The following LOXL1 variants were observed in gnomAD, a reference collection of about 807,000 sequenced individuals.
LOXL1 encodes lysyl oxidase homolog 1.
In LOXL1, 31 loss-of-function variants were observed where a neutral mutation model predicts 62.2. The ratio of observed to expected loss-of-function variants is 0.50; its 90% confidence interval spans 0.37 to 0.67. The LOEUF is 0.67. LOXL1 is among the 30% of genes least tolerant of loss of function. The pLI is 0.00. For synonymous variants in LOXL1, 403 were observed against 384.4 expected (o/e 1.05, Z -0.56); for missense variants, 775 against 843.4 (o/e 0.92, Z 1.00).
chr15:73,948,018 A>G (rs776374588), intron 5 of LOXL1, 116 bp downstream of exon 5: 1 of 693,716 alleles, frequency 1.4e-6, no homozygotes, highest in Non-Finnish European at 2.4e-6. Flanking sequence ...GCTGCCGAGC[A>G]GAGGCAGCAT....
chr15:73,927,625 A>G lies in LOXL1; in HGVS notation c.842A>G (p.Glu281Gly). The change falls in exon 1 of 7, where the codon GAG becomes GGG. Residue 281 changes from glutamate to glycine, a missense_variant. By Grantham distance (98) the Glu-to-Gly change is moderately conservative. Coordinates refer to ENST00000261921, the MANE Select transcript of LOXL1 (RefSeq NM_005576.4). ...CGCTACTCGCACAGTCTGTACAGCG[A>G]GGGCACCCCCGGCTTCGAGCAGGCC... ...DRRYSHSLYS[E>G]GTPGFEQAYP... The G allele has an allele frequency of 6.7e-7, 1 of 1,489,720 alleles. No individual in the cohort carries two copies. Among genetic ancestry groups the G allele is most frequent in the Non-Finnish European group, 8.9e-7 (1 of 1,126,512 alleles). The allele number at this position is 1,489,720 out of a possible 1,614,324, so 92.3% of individuals were successfully genotyped here. A position where few individuals can be genotyped will look rare whatever the true frequency, so the allele number is the denominator to read the frequency against.
chr15:73,947,757 G>A (rs764884626), intron 4 of LOXL1, 50 bp from the exon 5 acceptor site: 6 of 1,325,294 alleles, frequency 4.5e-6, no homozygotes, highest in Non-Finnish European at 6.5e-6. Flanking sequence ...GCGTGGGGTG[G>A]CTCTGGGAAA....
chr15:73,951,211 C>T lies in LOXL1; in HGVS notation c.1719-620C>T, dbSNP rs577605052. Reference sequence around the variant, plus strand: ...CAGAAACAGCATCCCACGTGCCAGGCGCCTGGAGCAGCCAGGAGGGCTGTC... The same window carrying T: ...CAGAAACAGCATCCCACGTGCCAGGTGCCTGGAGCAGCCAGGAGGGCTGTC... On this transcript the variant is annotated intron_variant, in intron 6 of 6. Transcript: ENST00000261921. Among the ~76,000 whole-genome samples, 181 of 152,306 alleles carry T rather than the reference C, an allele frequency of 1.2e-3. 3 individuals are homozygous for T. Among genetic ancestry groups the T allele is most frequent in the African/African-American group, 4.3e-3 (180 of 41,560 alleles).
chr15:73,937,960 G>A (rs1194900527), intron 1 of LOXL1, among the ~76,000 whole-genome samples: 1 of 152,202 alleles, frequency 6.6e-6, no homozygotes, highest in Non-Finnish European at 1.5e-5. Context: ...GCGTGTTTGT[G>A]GAGCGGGGAG....
intron 4 of LOXL1, 167 bp from the exon 5 acceptor site, chr15:73,947,640 T>G: frequency 1.8e-6 from 1 of 557,816 alleles, no homozygotes; most frequent in Non-Finnish European, 3.2e-6. Context: ...CTCTGGTCCA[T>G]CTAGCCAGTG....
Position 73,947,019 on chromosome 15 carries a change from C to G in LOXL1, c.1350-48C>G, listed in dbSNP as rs759844347. On this transcript the variant is annotated intron_variant, in intron 3 of 6. Coordinates refer to ENST00000261921, the MANE Select transcript of LOXL1 (RefSeq NM_005576.4). ...CAGGATGGGGACAGGATGAGAGGCC[C>G]AGGGAAGACTAGGCCCTCTTCTTTC... is the stretch of plus-strand genomic sequence containing the variant. 3.3e-6 allele frequency: 5 copies of G among 1,520,522 alleles called. No individual in the cohort carries two copies. The South Asian group carries it at 6.4e-5, about 19-fold the overall frequency. 94.2% of individuals were successfully genotyped at this position (1,520,522 alleles called of 1,614,324 possible). A position where few individuals can be genotyped will look rare whatever the true frequency, so the allele number is the denominator to read the frequency against.
chr15:73,926,849 G>C lies in LOXL1; in HGVS notation c.66G>C (p.Leu22=), dbSNP rs1043378828. The C allele has an allele frequency of 6.5e-7, 1 of 1,543,488 alleles. No individual in the cohort carries two copies. The highest frequency in any genetic ancestry group is 1.4e-5 in the African/African-American group (1 of 72,366). ...ALVWGACLCV[L]VHGQQAQPGQ... is the part of the protein sequence containing the mutation. ...TGTGGGGCGCCTGCCTGTGCGTGCTGGTGCACGGGCAGCAGGCGCAGCCCG... is the reference window on the plus strand; with the variant it reads ...TGTGGGGCGCCTGCCTGTGCGTGCTCGTGCACGGGCAGCAGGCGCAGCCCG... Residue 22 remains leucine (L), a synonymous_variant, in exon 1 of 7, where the codon CTG becomes CTC. Transcript: ENST00000261921.
At chr15:73,928,955 CCCT>C (rs1555432801) in intron 1 of LOXL1, among the ~76,000 whole-genome samples, 2 of 152,084 alleles carry the variant, frequency 1.3e-5, no homozygotes, top group Non-Finnish European at 2.9e-5. Context: ...GGACAGGACT[CCCT>C]CTGGCTTTTC....
In LOXL1 at chr15:73,927,580, C is replaced by T; in HGVS notation, c.797C>T (p.Pro266Leu). 2 of 1,503,408 alleles carry T rather than the reference C, an allele frequency of 1.3e-6. No individual in the cohort carries two copies. Among genetic ancestry groups the T allele is most frequent in the Non-Finnish European group, 8.8e-7 (1 of 1,132,904 alleles). 93.1% of individuals were successfully genotyped at this position (1,503,408 alleles called of 1,614,324 possible). The change falls in exon 1 of 7, where the codon CCC (proline) becomes CTC (leucine). Residue 266 changes from proline to leucine, a missense_variant. Pro to Leu is a moderately conservative substitution (Grantham distance 98). Transcript: ENST00000261921. ...CCCTACGTGCCGCCGCCGCCGCCGC[C>T]CCCCGACGGCCTGGACCGCCGCTAC... is the stretch of plus-strand genomic sequence containing the variant. ...ERPYVPPPPPPPDGLDRRYSH... is the reference protein window; with the variant it reads ...ERPYVPPPPPLPDGLDRRYSH...
intron 1 of LOXL1, among the ~76,000 whole-genome samples, chr15:73,937,069 G>T (rs1486475148): frequency 1.3e-5 from 2 of 152,218 alleles, no homozygotes; most frequent in East Asian, 3.9e-4. Context: ...CTCACCTCTG[G>T]AGCTTCCCCC....
chr15:73,946,421 G>C lies in LOXL1; in HGVS notation c.1216G>C (p.Ala406Pro). 6.4e-7 allele frequency: 1 copy of C among 1,551,752 alleles called. No individual in the cohort carries two copies. The highest frequency in any genetic ancestry group is 8.8e-7 in the Non-Finnish European group (1 of 1,138,008). Residue 406 changes from alanine to proline, a missense_variant, in exon 3 of 7, where the codon GCC (alanine) becomes CCC (proline). Coordinates refer to ENST00000261921, the MANE Select transcript of LOXL1 (RefSeq NM_005576.4). Reference protein sequence around the residue: ...AAEEKCLASTAYAPEATDYDV... With the variant: ...AAEEKCLASTPYAPEATDYDV... The stretch of plus-strand genomic sequence containing the variant: ...TCTCCCCCGCCGTCCCTGCAGCACA[G>C]CCTATGCCCCTGAGGCCACCGACTA...
intron 1 of LOXL1, among the ~76,000 whole-genome samples, chr15:73,941,353 C>T (rs1335145998): frequency 1.3e-5 from 2 of 152,128 alleles, no homozygotes; most frequent in Non-Finnish European, 2.9e-5. Flanking sequence ...GCCCAGGCCC[C>T]AGGGAGAGCA....
intron 2 of LOXL1, among the ~76,000 whole-genome samples, 169 bp downstream of exon 2, chr15:73,943,131 G>A (rs780300318): frequency 1.3e-5 from 2 of 152,174 alleles, no homozygotes; most frequent in Admixed American, 6.5e-5. Context: ...TGCCTGCCCC[G>A]AGGGAGTCAG....
At chr15:73,928,209 C>A in intron 1 of LOXL1, 1 of 312,558 alleles carries the variant, frequency 3.2e-6, no homozygotes, top group Non-Finnish European at 5.8e-6. Context: ...CATCTGAGGA[C>A]AAAAGGAAGG....
intron 6 of LOXL1, 29 bp downstream of exon 6, chr15:73,949,603 C>G: frequency 6.7e-7 from 1 of 1,495,538 alleles, no homozygotes; most frequent in Non-Finnish European, 9.3e-7. Context: ...CCCTTCCTGG[C>G]TCCGTCCCTT....
chr15:73,951,910 A>C lies in LOXL1; in HGVS notation c.*73A>C. 1 of 1,374,532 alleles carries C rather than the reference A, an allele frequency of 7.3e-7. No individual in the cohort carries two copies. The highest frequency in any genetic ancestry group is 9.6e-7 in the Non-Finnish European group (1 of 1,045,974). 85.1% of individuals were successfully genotyped at this position (1,374,532 alleles called of 1,614,324 possible). On this transcript the variant is annotated 3_prime_UTR_variant, in exon 7 of 7. Transcript: ENST00000261921. ...CTGCTCCCCGGGCAGCCTCCCGCCGAGGGGCCCAGCCCCCAACCCACAGGC... is the reference window on the plus strand; with the variant it reads ...CTGCTCCCCGGGCAGCCTCCCGCCGCGGGGCCCAGCCCCCAACCCACAGGC...
In LOXL1 at chr15:73,928,979, C is replaced by T. The variant is rs151069609; in HGVS notation, c.1102+1094C>T. Among the ~76,000 whole-genome samples the T allele has an allele frequency of 7.2e-5, 11 of 152,202 alleles. No individual in the cohort carries two copies. The East Asian group carries it at 2.1e-3, about 29-fold the overall frequency. On this transcript the variant is annotated intron_variant, in intron 1 of 6. Transcript: ENST00000261921. Reference sequence around the variant, plus strand: ...TCCCTCTGGCTTTTCAGGGGGTGAACATACGTCCTCCTCTTGGGAAGGCCC... The same window carrying T: ...TCCCTCTGGCTTTTCAGGGGGTGAATATACGTCCTCCTCTTGGGAAGGCCC...
At chr15:73,929,207 A>G (rs1340850935) in intron 1 of LOXL1, among the ~76,000 whole-genome samples, 1 of 152,166 alleles carries the variant, frequency 6.6e-6, no homozygotes. Flanking sequence ...CTCAGTCCCC[A>G]ATACTTATGC....
chr15:73,948,451 G>A (rs923630500), intron 5 of LOXL1, among the ~76,000 whole-genome samples: 4 of 152,202 alleles, frequency 2.6e-5, no homozygotes, highest in Non-Finnish European at 4.4e-5. Context: ...CATCCGTGTA[G>A]GCCAGGTTGT....
Sources: allele counts gnomAD v4.1 joint callset (sites outside exome capture counted in the v4.1 genomes callset), GRCh38; gene constraint gnomAD v4.1.1; transcripts MANE v1.5; gene names NCBI Gene and HGNC (gene_info 2026-07-23, HGNC 2026-07-21).